The following PDPN variants were observed in gnomAD, a reference collection of about 807,000 sequenced individuals.
PDPN encodes podoplanin.
PDPN carries 12 observed loss-of-function variants against 23.2 expected under a neutral mutation model. That is an observed-to-expected ratio of 0.52 (90% CI 0.33 to 0.84). PDPN has a LOEUF of 0.84. PDPN is among the 40% of genes least tolerant of loss of function. The probability of loss-of-function intolerance (pLI) is 0.02; values close to 1 mark genes in which losing one functional copy is unlikely to be tolerated. For missense variants in PDPN, 199 were observed against 212.2 expected (o/e 0.94, Z 0.39); for synonymous variants, 77 against 76.7 (o/e 1.00, Z -0.02).
At chr1:13,598,266 C>T (rs1041995408) in intron 1 of PDPN, among the ~76,000 whole-genome samples, 1 of 152,082 alleles carries the variant, frequency 6.6e-6, no homozygotes. Context: ...ATCTGCCCTC[C>T]TCGGCCTCCC....
chr1:13,616,235 A>G lies in PDPN; in HGVS notation c.*324A>G. 1 of 408,992 alleles carries G rather than the reference A, an allele frequency of 2.4e-6. No individual in the cohort carries two copies. The highest frequency in any genetic ancestry group is 4.4e-6 in the Non-Finnish European group (1 of 226,944). The allele number at this position is 408,992 out of a possible 1,614,324, so 25.3% of individuals were successfully genotyped here. ...AACACTGGACCATTGGATCGATATT[A>G]TATGCTGTAACCATGTGTCTCCGTC... On this transcript the variant is annotated 3_prime_UTR_variant, in exon 6 of 6. Transcript: ENST00000621990.
chr1:13,597,845 C>T (rs1166769417), intron 1 of PDPN, among the ~76,000 whole-genome samples: 2 of 151,852 alleles, frequency 1.3e-5, no homozygotes, highest in South Asian at 2.1e-4. Flanking sequence ...CATGGTGGTA[C>T]GCACTTATAG....
chr1:13,615,975 C>T lies in PDPN; in HGVS notation c.*64C>T. 6.6e-7 allele frequency: 1 copy of T among 1,507,602 alleles called. No individual in the cohort carries two copies. Among genetic ancestry groups the T allele is most frequent in the Non-Finnish European group, 9.2e-7 (1 of 1,082,918 alleles). 93.4% of individuals were successfully genotyped at this position (1,507,602 alleles called of 1,614,324 possible). The stretch of plus-strand genomic sequence containing the variant: ...AAAAAGACCGTTTCTGACTCTGTGC[C>T]CTGTCCCTGAGCTCGTGGGAGAAGA... On this transcript the variant is annotated 3_prime_UTR_variant, in exon 6 of 6. Transcript: ENST00000621990.
intron 1 of PDPN, among the ~76,000 whole-genome samples, chr1:13,601,456 A>C (rs1640638387): frequency 6.6e-6 from 1 of 152,250 alleles, no homozygotes; most frequent in Non-Finnish European, 1.5e-5. Context: ...TCCTGGGTTC[A>C]AACGATTCTC....
intron 1 of PDPN, chr1:13,584,435 G>C: frequency 1.2e-6 from 1 of 850,296 alleles, no homozygotes; most frequent in Non-Finnish European, 1.8e-6. Flanking sequence ...TGGCAGCAGT[G>C]GCTGGGGTTT....
At chr1:13,585,630 A>C in intron 1 of PDPN, 1 of 1,351,932 alleles carries the variant, frequency 7.4e-7, no homozygotes, top group Non-Finnish European at 9.8e-7. Context: ...CCGGCTCCTG[A>C]ATGTCAAAGG....
At chr1:13,611,784 G>C (rs1640941812) in intron 3 of PDPN, among the ~76,000 whole-genome samples, 1 of 152,096 alleles carries the variant, frequency 6.6e-6, no homozygotes, top group South Asian at 2.1e-4. Flanking sequence ...ACCTTATAAA[G>C]GGCTTTGAGA....
At chr1:13,595,381 C>T (rs773272586) in intron 1 of PDPN, among the ~76,000 whole-genome samples, 1 of 152,118 alleles carries the variant, frequency 6.6e-6, no homozygotes, top group Non-Finnish European at 1.5e-5. Flanking sequence ...TTGCCCAGTT[C>T]AGCTGCAGAA....
At chr1:13,606,979 G>A (rs892622041) in intron 1 of PDPN, among the ~76,000 whole-genome samples, 194 bp from the exon 2 acceptor site, 8 of 152,182 alleles carry the variant, frequency 5.3e-5, no homozygotes, top group African/African-American at 1.9e-4. Flanking sequence ...GAGATAACCA[G>A]GGTGTTGATG....
chr1:13,611,297 G>A (rs949784228), intron 3 of PDPN, among the ~76,000 whole-genome samples: 3 of 151,798 alleles, frequency 2.0e-5, no homozygotes, highest in African/African-American at 7.3e-5. Flanking sequence ...GTTTATAGCA[G>A]CATTATTCAC....
rs145274983 is a variant in PDPN at position 13,597,348 on chromosome 1, G to C, written c.68-9825G>C. Among the ~76,000 whole-genome samples, 534 of 152,322 alleles carry C rather than the reference G, an allele frequency of 3.5e-3. 2 individuals are homozygous for C. The highest frequency in any genetic ancestry group is 9.2e-3 in the African/African-American group (381 of 41,568). On this transcript the variant is annotated intron_variant, in intron 1 of 5. Transcript: ENST00000621990. Reference sequence around the variant, plus strand: ...GATGCTACAAAACACTGAGCAACGTGAAAGACCCTTTTAATCTGTTGACTA... The same window carrying C: ...GATGCTACAAAACACTGAGCAACGTCAAAGACCCTTTTAATCTGTTGACTA...
chr1:13,605,741 G>C (rs954007747), intron 1 of PDPN, among the ~76,000 whole-genome samples: 1 of 152,088 alleles, frequency 6.6e-6, no homozygotes, highest in Non-Finnish European at 1.5e-5. Flanking sequence ...TCCTGCCTCA[G>C]CCTCCCAAGT....
rs530873437 is a variant in PDPN at position 13,607,223 on chromosome 1, G to A, written c.118G>A (p.Gly40Ser). ...CACTGAGACTACAGGTTTGGAAGGC[G>A]GCGTTGCCATGCCAGGTGCCGAAGA... ...DDTETTGLEG[G>S]VAMPGAEDDV... Residue 40 changes from glycine to serine, a missense_variant, in exon 2 of 6, where the codon GGC becomes AGC. Gly to Ser is a moderately conservative substitution (Grantham distance 56, BLOSUM62 0). Transcript: ENST00000621990. 5.0e-6 allele frequency: 8 copies of A among 1,614,076 alleles called. No individual in the cohort carries two copies. The highest frequency in any genetic ancestry group is 4.5e-5 in the East Asian group (2 of 44,882).
In PDPN at chr1:13,587,046, T is replaced by G. The variant is rs147836816; in HGVS notation, c.67+2946T>G. Among the ~76,000 whole-genome samples, 803 of 152,230 alleles carry G rather than the reference T, an allele frequency of 5.3e-3. 6 individuals carry two copies. The highest frequency in any genetic ancestry group is 0.019 in the African/African-American group (771 of 41,548). On this transcript the variant is annotated intron_variant, in intron 1 of 5. Transcript: ENST00000621990. Reference sequence around the variant, plus strand: ...AGCCTGGCAACAGAGCGAGACTCCGTCTCAAAAATATATATAAAAACAAAG... The same window carrying G: ...AGCCTGGCAACAGAGCGAGACTCCGGCTCAAAAATATATATAAAAACAAAG...
chr1:13,613,781 T>C (rs1023413428), intron 4 of PDPN, 56 bp downstream of exon 4: 1 of 936,236 alleles, frequency 1.1e-6, no homozygotes, highest in Admixed American at 1.8e-5. Context: ...AAAATTTCTT[T>C]GAAGCTAATT....
Position 13,613,695 on chromosome 1 carries a change from G to C in PDPN, c.340G>C (p.Asp114His). 1 of 1,451,964 alleles carries C rather than the reference G, an allele frequency of 6.9e-7. No homozygotes were observed. The highest frequency in any genetic ancestry group is 9.7e-7 in the Non-Finnish European group (1 of 1,033,290). The allele number at this position is 1,451,964 out of a possible 1,614,324, so 89.9% of individuals were successfully genotyped here. A position where few individuals can be genotyped will look rare whatever the true frequency, so the allele number is the denominator to read the frequency against. The change falls in exon 4 of 6, where the codon GAT (aspartate) becomes CAT (histidine). Residue 114 changes from aspartate (D) to histidine (H), a missense_variant. Physicochemically the swap from Asp to His is moderately conservative, Grantham distance 81 (BLOSUM62 -1). Coordinates refer to ENST00000621990, the MANE Select transcript of PDPN (RefSeq NM_006474.5). ...TATCTTTCTATTCACAGAGAAAGTG[G>C]ATGGAGACACACAGACAACAGTTGA... ...VATSHSTEKVDGDTQTTVEKD... is the reference protein window; with the variant it reads ...VATSHSTEKVHGDTQTTVEKD...
At chr1:13,585,552 A>G (rs770294220) in intron 1 of PDPN, 2 of 1,351,876 alleles carry the variant, frequency 1.5e-6, no homozygotes, top group African/African-American at 1.5e-5. Context: ...CAGCCCTGCT[A>G]AAGAAAAAGC....
intron 1 of PDPN, among the ~76,000 whole-genome samples, chr1:13,599,543 G>T (rs773434677): frequency 6.6e-6 from 1 of 151,666 alleles, no homozygotes; most frequent in South Asian, 2.1e-4. Context: ...CCACCATCAC[G>T]CCTGGCTAAT....
At chr1:13,587,118 C>T (rs1000053183) in intron 1 of PDPN, among the ~76,000 whole-genome samples, 2 of 152,190 alleles carry the variant, frequency 1.3e-5, no homozygotes, top group African/African-American at 2.4e-5. Context: ...CTTTAAGCCT[C>T]TTAAACGTAG....
Sources: allele counts gnomAD v4.1 joint callset (sites outside exome capture counted in the v4.1 genomes callset), GRCh38; gene constraint gnomAD v4.1.1; transcripts MANE v1.5; gene names NCBI Gene and HGNC (gene_info 2026-07-23, HGNC 2026-07-21).